Variants in DCDC2C observed in about 807,000 individuals in gnomAD.
DCDC2C encodes doublecortin domain containing 2C.
Under a neutral mutation model 45.0 loss-of-function variants are expected in DCDC2C, and 44 were observed. That is an observed-to-expected ratio of 0.98 (90% CI 0.77 to 1.26). The LOEUF is 1.26. Ranked by LOEUF, DCDC2C falls within the 50% of genes most tolerant of loss-of-function variation. The pLI, the probability that DCDC2C is intolerant of heterozygous loss-of-function variation, is 0.00. For missense variants in DCDC2C, 447 were observed against 468.9 expected (o/e 0.95, Z 0.43); for synonymous variants, 187 against 178.8 (o/e 1.05, Z -0.37).
At chr2:3,752,074 C>G (rs6721106) in intron 4 of DCDC2C, among the ~76,000 whole-genome samples, 14,337 of 152,200 alleles carry the variant, frequency 0.094, 1,485 homozygotes, top group African/African-American at 0.26. Context: ...GCAAGTTCCT[C>G]CAGCTCTGTG....
chr2:3,829,347 ATTTT>A (rs1469871127), intron 10 of DCDC2C, among the ~76,000 whole-genome samples: 1 of 150,420 alleles, frequency 6.6e-6, no homozygotes, highest in Non-Finnish European at 1.5e-5. Flanking sequence ...TTAAAAATGA[ATTTT>A]TAACATTTTA....
At chr2:3,736,897 C>T (rs1344404170) in intron 3 of DCDC2C, among the ~76,000 whole-genome samples, 3 of 152,120 alleles carry the variant, frequency 2.0e-5, no homozygotes, top group Non-Finnish European at 4.4e-5. Flanking sequence ...AGAATAATGC[C>T]TCTTTATTAC....
intron 3 of DCDC2C, among the ~76,000 whole-genome samples, chr2:3,740,835 A>G (rs796911921): frequency 2.8e-4 from 43 of 152,278 alleles, no homozygotes; most frequent in African/African-American, 1.0e-3. Context: ...TTTACTCTAA[A>G]GAGAGATATT....
At chr2:3,757,507 C>T (rs1268420963) in intron 6 of DCDC2C, among the ~76,000 whole-genome samples, 1 of 152,114 alleles carries the variant, frequency 6.6e-6, no homozygotes, top group East Asian at 1.9e-4. Context: ...CTTTCTTGAC[C>T]CTTCAATGAA....
intron 10 of DCDC2C, among the ~76,000 whole-genome samples, chr2:3,824,422 G>A (rs552689494): frequency 4.6e-5 from 7 of 152,264 alleles, no homozygotes; most frequent in East Asian, 1.9e-4. Flanking sequence ...AAACCATTAC[G>A]TATGAAAACA....
chr2:3,741,561 C>T (rs755999608), intron 3 of DCDC2C, among the ~76,000 whole-genome samples: 7 of 152,154 alleles, frequency 4.6e-5, no homozygotes, highest in Non-Finnish European at 8.8e-5. Flanking sequence ...GCCACACCCC[C>T]ATCTCATGCT....
chr2:3,840,456 T>C (rs73913829), intron 10 of DCDC2C, among the ~76,000 whole-genome samples: 3,739 of 152,304 alleles, frequency 0.025, 158 homozygotes, highest in African/African-American at 0.084. Context: ...AGATAAAAAT[T>C]CTGCCAGTGC....
At chr2:3,718,217 G>A (rs1446558224) in intron 2 of DCDC2C, among the ~76,000 whole-genome samples, 1 of 152,204 alleles carries the variant, frequency 6.6e-6, no homozygotes, top group East Asian at 1.9e-4. Flanking sequence ...GGGAAGGCTG[G>A]TGGCTGGCAG....
intron 10 of DCDC2C, among the ~76,000 whole-genome samples, chr2:3,824,135 T>C (rs896820372): frequency 6.6e-6 from 1 of 152,256 alleles, no homozygotes; most frequent in African/African-American, 2.4e-5. Flanking sequence ...AATTCCCTAT[T>C]TGATAGTTCC....
At position 3,761,173 on chromosome 2, in the gene DCDC2C, A is replaced by C. The variant is rs1051218990; in HGVS notation, c.726+6539A>C. On this transcript the variant is annotated intron_variant, in intron 6 of 10. Coordinates refer to ENST00000399143, the MANE Select transcript of DCDC2C (RefSeq NM_001287444.2). The surrounding 1 kb of genome is among the most constrained non-coding windows in gnomAD (Gnocchi z 4.3). ...CCAAAGAAGAAATGCTAATTTAATAAATGTTTAAAATTGCATTCACATATT... is the reference window on the plus strand; with the variant it reads ...CCAAAGAAGAAATGCTAATTTAATACATGTTTAAAATTGCATTCACATATT... Among the ~76,000 whole-genome samples, 3 of 152,254 alleles carry C rather than the reference A, an allele frequency of 2.0e-5. No homozygotes were observed. Among genetic ancestry groups the C allele is most frequent in the African/African-American group, 7.2e-5 (3 of 41,468 alleles).
chr2:3,828,527 A>C (rs1360243526), intron 10 of DCDC2C, among the ~76,000 whole-genome samples: 1 of 152,180 alleles, frequency 6.6e-6, no homozygotes, highest in Non-Finnish European at 1.5e-5. Flanking sequence ...CAGCCTTCAA[A>C]GTCTCTGAGC....
chr2:3,706,888 C>T (rs998092727), intron 1 of DCDC2C, among the ~76,000 whole-genome samples: 1 of 152,214 alleles, frequency 6.6e-6, no homozygotes, highest in Non-Finnish European at 1.5e-5. Context: ...GTGAAATAAC[C>T]TCTCCAAGAC....
chr2:3,806,173 G>A (rs1316815669), intron 10 of DCDC2C, among the ~76,000 whole-genome samples: 1 of 152,038 alleles, frequency 6.6e-6, no homozygotes, highest in Non-Finnish European at 1.5e-5. Flanking sequence ...CTGATGAATC[G>A]GTCATGATTT....
intron 2 of DCDC2C, among the ~76,000 whole-genome samples, chr2:3,724,313 A>T (rs577134342): frequency 6.6e-6 from 1 of 152,202 alleles, no homozygotes; most frequent in Non-Finnish European, 1.5e-5. Context: ...GCAGCTCTCT[A>T]TTCTGACGAA....
chr2:3,738,416 G>C (rs1238258826), intron 3 of DCDC2C, among the ~76,000 whole-genome samples: 2 of 151,986 alleles, frequency 1.3e-5, no homozygotes. Flanking sequence ...GCAGAGAGTT[G>C]AGGAGAATTC....
intron 10 of DCDC2C, among the ~76,000 whole-genome samples, chr2:3,801,382 A>C (rs72771279): frequency 0.068 from 10,312 of 152,302 alleles, 460 homozygotes; most frequent in Admixed American, 0.14. Flanking sequence ...GGAGGGGTGC[A>C]TAAGATGAAT....
intron 10 of DCDC2C, among the ~76,000 whole-genome samples, chr2:3,830,746 G>T (rs1268145634): frequency 1.3e-5 from 2 of 152,204 alleles, no homozygotes; most frequent in Non-Finnish European, 2.9e-5. Context: ...GTGGGTGGTT[G>T]TTTGAACTCT....
intron 5 of DCDC2C, among the ~76,000 whole-genome samples, chr2:3,753,984 G>T (rs149529644): frequency 2.6e-5 from 4 of 152,324 alleles, no homozygotes; most frequent in Middle Eastern, 6.8e-3. Flanking sequence ...GAGGAACACT[G>T]TGGGGCTGTG....
intron 6 of DCDC2C, among the ~76,000 whole-genome samples, chr2:3,763,580 G>T (rs1295085348): frequency 6.6e-6 from 1 of 152,224 alleles, no homozygotes; most frequent in East Asian, 1.9e-4. Context: ...GCTGCACGGG[G>T]TCTCTAGTCT....
Sources: gnomAD v4.1 joint callset for allele counts (sites outside exome capture counted in the v4.1 genomes callset) on GRCh38, gnomAD v4.1.1 for gene constraint, Gnocchi (gnomAD v3.1) non-coding constraint, MANE v1.5 for transcripts, NCBI Gene and HGNC (gene_info 2026-07-23, HGNC 2026-07-21) for gene names.